DAXX: variants seen among roughly 807,000 people sequenced by gnomAD.
DAXX encodes death domain associated protein.
In DAXX, 24 loss-of-function variants were observed where a neutral mutation model predicts 61.9. The observed-to-expected ratio is 0.39, with a 90% confidence interval of 0.28 to 0.55. The LOEUF is 0.55. Among genes scored for constraint, DAXX ranks in the 20% least tolerant of loss-of-function variants. DAXX has a pLI of 0.69. For synonymous variants in DAXX, 357 were observed against 369.5 expected (o/e 0.97, Z 0.39); for missense variants, 819 against 935.3 (o/e 0.88, Z 1.62).
intron 1 of DAXX, 165 bp from the exon 2 acceptor site, chr6:33,322,142 C>A: frequency 2.3e-6 from 1 of 441,812 alleles, no homozygotes; most frequent in Non-Finnish European, 3.9e-6. Flanking sequence ...TTTTGGGGCC[C>A]TTCAAGTGGT....
In DAXX at chr6:33,322,909, T is replaced by C. The variant is rs1562734558; in HGVS notation, c.-100A>G. 3 of 1,392,142 alleles carry C rather than the reference T, an allele frequency of 2.2e-6. No individual in the cohort carries two copies. Among genetic ancestry groups the C allele is most frequent in the African/African-American group, 1.5e-5 (1 of 65,560 alleles). 86.2% of individuals were successfully genotyped at this position (1,392,142 alleles called of 1,614,324 possible). A position where few individuals can be genotyped will look rare whatever the true frequency, so the allele number is the denominator to read the frequency against. The stretch of plus-strand genomic sequence containing the variant: ...GACCCTCGCCGCAATTCTCAGAACC[T>C]CGCATGGTTCCCTCCGCCTTCCTTC... On this transcript the variant is annotated 5_prime_UTR_variant, in exon 1 of 8. Coordinates refer to ENST00000374542, the MANE Select transcript of DAXX (RefSeq NM_001141969.2).
Position 33,321,834 on chromosome 6 carries a change from G to A in DAXX, c.92C>T (p.Ala31Val), listed in dbSNP as rs766116335. Reference protein sequence around the residue: ...QPGPSHPLPNAASPGAEAPSS... With the variant: ...QPGPSHPLPNVASPGAEAPSS... ...AGGGGCTTCTGCCCCAGGTGAGGCC[G>A]CATTGGGGAGTGGGTGGGAGGGCCC... The change falls in exon 2 of 8, where the codon GCG becomes GTG. Residue 31 changes from alanine (A) to valine (V), a missense_variant. Physicochemically the swap from Ala to Val is moderately conservative, Grantham distance 64. Transcript: ENST00000374542. This position sits in a 1 kb window ranked among gnomAD's most constrained non-coding sequence, Gnocchi z 7.2. The A allele has an allele frequency of 9.3e-6, 15 of 1,611,062 alleles. No individual in the cohort carries two copies. Among genetic ancestry groups the A allele is most frequent in the African/African-American group, 1.3e-5 (1 of 74,858 alleles).
chr6:33,320,033 GTCC>G lies in DAXX; in HGVS notation c.1440_1442del (p.Glu480del). On this transcript the variant is annotated inframe_deletion, in exon 5 of 8. Coordinates refer to ENST00000374542, the MANE Select transcript of DAXX (RefSeq NM_001141969.2). This position sits in a 1 kb window ranked among gnomAD's most constrained non-coding sequence, Gnocchi z 7.1. ...TACCTGCTGCTGCTTCTTCCTCTTCGTCCTCCTCTTCATCATCCTCCTGACCCT... is the reference window on the plus strand; with the variant it reads ...TACCTGCTGCTGCTTCTTCCTCTTCGTCCTCTTCATCATCCTCCTGACCCT... The G allele has an allele frequency of 2.5e-6, 4 of 1,613,282 alleles. No individual in the cohort carries two copies. Among genetic ancestry groups the G allele is most frequent in the Non-Finnish European group, 3.4e-6 (4 of 1,179,634 alleles).
chr6:33,321,970 A>T lies in DAXX; in HGVS notation c.-45T>A. 6.3e-7 allele frequency: 1 copy of T among 1,577,430 alleles called. No homozygotes were observed. The highest frequency in any genetic ancestry group is 2.3e-5 in the East Asian group (1 of 44,258). ...AGGGAGGAAGTGGTGGGGATTTCAG[A>T]ATTCCTGCTGGAAGGGGATGGGGCC... On this transcript the variant is annotated 5_prime_UTR_variant, in exon 2 of 8. Coordinates refer to ENST00000374542, the MANE Select transcript of DAXX (RefSeq NM_001141969.2). This position sits in a 1 kb window ranked among gnomAD's most constrained non-coding sequence, Gnocchi z 7.2.
At position 33,321,074 on chromosome 6, in the gene DAXX, C is replaced by A; in HGVS notation, c.701G>T (p.Arg234Leu). The A allele has an allele frequency of 6.2e-7, 1 of 1,613,466 alleles. No individual in the cohort carries two copies. The highest frequency in any genetic ancestry group is 8.5e-7 in the Non-Finnish European group (1 of 1,179,380). Reference protein sequence around the residue: ...QEARLKRKLIRLFGRLCELKD... With the variant: ...QEARLKRKLILLFGRLCELKD... ...CAGCTCACATAGTCGCCCAAAGAGG[C>A]GGATCAGCTTACGCTTCAACCGTGC... Residue 234 changes from arginine (R) to leucine (L), a missense_variant, in exon 3 of 8, where the codon CGC (arginine) becomes CTC (leucine). Arg to Leu is a moderately radical substitution (Grantham distance 102). Coordinates refer to ENST00000374542, the MANE Select transcript of DAXX (RefSeq NM_001141969.2). This position sits in a 1 kb window ranked among gnomAD's most constrained non-coding sequence, Gnocchi z 7.2.
Position 33,321,641 on chromosome 6 carries a change from A to G in DAXX, c.208-74T>C. 1.3e-6 allele frequency: 2 copies of G among 1,598,822 alleles called. No individual in the cohort carries two copies. Among genetic ancestry groups the G allele is most frequent in the Non-Finnish European group, 1.7e-6 (2 of 1,169,738 alleles). Reference sequence around the variant, plus strand: ...GTTGAGAGAAAGGGGAGGTGGGGTTAGTGGGAAAGAAAGGACAGGAGAACC... The same window carrying G: ...GTTGAGAGAAAGGGGAGGTGGGGTTGGTGGGAAAGAAAGGACAGGAGAACC... On this transcript the variant is annotated intron_variant, in intron 2 of 7. Coordinates refer to ENST00000374542, the MANE Select transcript of DAXX (RefSeq NM_001141969.2). This position sits in a 1 kb window ranked among gnomAD's most constrained non-coding sequence, Gnocchi z 7.2.
chr6:33,321,632 G>T lies in DAXX; in HGVS notation c.208-65C>A. 6.3e-7 allele frequency: 1 copy of T among 1,599,026 alleles called. No homozygotes were observed. Among genetic ancestry groups the T allele is most frequent in the Non-Finnish European group, 8.5e-7 (1 of 1,169,880 alleles). ...AGGGAGGGGGTTGAGAGAAAGGGGAGGTGGGGTTAGTGGGAAAGAAAGGAC... is the reference window on the plus strand; with the variant it reads ...AGGGAGGGGGTTGAGAGAAAGGGGATGTGGGGTTAGTGGGAAAGAAAGGAC... On this transcript the variant is annotated intron_variant, in intron 2 of 7. Transcript: ENST00000374542. The surrounding 1 kb of genome is among the most constrained non-coding windows in gnomAD (Gnocchi z 7.2).
At position 33,318,748 on chromosome 6, in the gene DAXX, CAG is replaced by C. The variant is rs1244743247; in HGVS notation, c.2216_2217del (p.Ser739Ter). On this transcript the variant is annotated frameshift_variant, in exon 8 of 8. Coordinates refer to ENST00000374542, the MANE Select transcript of DAXX (RefSeq NM_001141969.2). LOFTEE classifies it high-confidence loss of function. ...DPEEIIVLSD[S>X]D ...GCAGGGAGAAGGGGAGGCAGCTAAT[CAG>C]AGTCTGAGAGCACGATGATCTCTTC... 1 of 1,497,798 alleles carries C rather than the reference CAG, an allele frequency of 6.7e-7. No homozygotes were observed. Among genetic ancestry groups the C allele is most frequent in the Non-Finnish European group, 9.1e-7 (1 of 1,095,358 alleles). The allele number at this position is 1,497,798 out of a possible 1,614,324, so 92.8% of individuals were successfully genotyped here.
At position 33,319,674 on chromosome 6, in the gene DAXX, C is replaced by A. The variant is rs1770285414; in HGVS notation, c.1646G>T (p.Gly549Val). ...CAGGGTCAGCTCCTCAGGCTGTTCT[C>A]CATTGCTTTCAGCATCTATGCTGGA... Reference protein sequence around the residue: ...APSSIDAESNGEQPEELTLEE... With the variant: ...APSSIDAESNVEQPEELTLEE... The change falls in exon 6 of 8, where the codon GGA (glycine) becomes GTA (valine). Residue 549 changes from glycine (G) to valine (V), a missense_variant. By Grantham distance (109) the Gly-to-Val change is moderately radical (BLOSUM62 -3). Coordinates refer to ENST00000374542, the MANE Select transcript of DAXX (RefSeq NM_001141969.2). 1 of 1,613,720 alleles carries A rather than the reference C, an allele frequency of 6.2e-7. No individual in the cohort carries two copies. The highest frequency in any genetic ancestry group is 2.2e-5 in the East Asian group (1 of 44,768).
rs1211364459 is a variant in DAXX, at chr6:33,320,800, C to T, written c.975G>A (p.Gln325=). The stretch of plus-strand genomic sequence containing the variant: ...AGATGAGATCGAGGTGACGTCGCTC[C>T]TGTAACCTGATGCCCACATCTCGGA... ...DAFRDVGIRL[Q]ERRHLDLIYN... The change falls in exon 3 of 8, where the codon CAG becomes CAA. Residue 325 remains glutamine, a synonymous_variant. Transcript: ENST00000374542. This position sits in a 1 kb window ranked among gnomAD's most constrained non-coding sequence, Gnocchi z 7.1. 3.7e-6 allele frequency: 6 copies of T among 1,614,060 alleles called. No individual in the cohort carries two copies. Among genetic ancestry groups the T allele is most frequent in the Non-Finnish European group, 5.1e-6 (6 of 1,180,050 alleles).
Position 33,319,124 on chromosome 6 carries a change from A to G in DAXX, c.2036T>C (p.Val679Ala). 1 of 1,614,232 alleles carries G rather than the reference A, an allele frequency of 6.2e-7. No individual in the cohort carries two copies. Among genetic ancestry groups the G allele is most frequent in the African/African-American group, 1.3e-5 (1 of 75,064 alleles). The change falls in exon 7 of 8, where the codon GTT (valine) becomes GCT (alanine). Residue 679 changes from valine (V) to alanine (A), a missense_variant. Physicochemically the swap from Val to Ala is moderately conservative, Grantham distance 64. Transcript: ENST00000374542. Reference protein sequence around the residue: ...PPSPLASLAPVADSSTRVDSP... With the variant: ...PPSPLASLAPAADSSTRVDSP... Reference sequence around the variant, plus strand: ...GTCCACCCTCGTGGAGGAATCAGCAACTGGGGCCAAGGAAGCCAAGGGGGA... The same window carrying G: ...GTCCACCCTCGTGGAGGAATCAGCAGCTGGGGCCAAGGAAGCCAAGGGGGA...
At position 33,318,809 on chromosome 6, in the gene DAXX, G is replaced by A. The variant is rs1487884469; in HGVS notation, c.2164-7C>T. The A allele has an allele frequency of 6.6e-7, 1 of 1,516,342 alleles. No homozygotes were observed. Among genetic ancestry groups the A allele is most frequent in the South Asian group, 1.2e-5 (1 of 84,192 alleles). The allele number at this position is 1,516,342 out of a possible 1,614,324, so 93.9% of individuals were successfully genotyped here. On this transcript the variant is annotated splice_polypyrimidine_tract_variant and splice_region_variant and intron_variant, in intron 7 of 7. Coordinates refer to ENST00000374542, the MANE Select transcript of DAXX (RefSeq NM_001141969.2). ...ATTGTGTGGCCACACTTGTCTGCAG[G>A]GAAGTGAGAGACAAAGAGTCAAAGA...
In DAXX at chr6:33,321,803, G is replaced by T. The variant is rs772816527; in HGVS notation, c.123C>A (p.Ser41=). ...TTCCTCTGGCCCCATGAGGCTCAGAGGAGCTAGGGGCTTCTGCCCCAGGTG... is the reference window on the plus strand; with the variant it reads ...TTCCTCTGGCCCCATGAGGCTCAGATGAGCTAGGGGCTTCTGCCCCAGGTG... ...AASPGAEAPS[S]SEPHGARGSS... The change falls in exon 2 of 8, where the codon TCC becomes TCA. Residue 41 remains serine, a synonymous_variant. Transcript: ENST00000374542. The surrounding 1 kb of genome is among the most constrained non-coding windows in gnomAD (Gnocchi z 7.2). The T allele has an allele frequency of 1.2e-6, 2 of 1,612,684 alleles. No homozygotes were observed. The highest frequency in any genetic ancestry group is 1.7e-6 in the Non-Finnish European group (2 of 1,179,104).
chr6:33,322,163 G>GC lies in DAXX; in HGVS notation c.-52-187_-52-186insG, dbSNP rs1029625181. 7.3e-4 allele frequency among the ~76,000 whole-genome samples: 111 copies of GC among 151,178 alleles called. 3 individuals are homozygous for GC. The East Asian group carries it at 0.016, about 22-fold the overall frequency. ...GGCCCTTCAAGTGGTGTGGGGGGGG[G>GC]GCAAACCACCCCCACACCTTAAGTT... On this transcript the variant is annotated intron_variant, in intron 1 of 7. Coordinates refer to ENST00000374542, the MANE Select transcript of DAXX (RefSeq NM_001141969.2).
chr6:33,318,799 T>G lies in DAXX; in HGVS notation c.2167A>C (p.Ser723Arg), dbSNP rs1770145763. 6.5e-7 allele frequency: 1 copy of G among 1,544,974 alleles called. No homozygotes were observed. The highest frequency in any genetic ancestry group is 8.8e-7 in the Non-Finnish European group (1 of 1,132,084). ...TCTGGATCGCATTGTGTGGCCACAC[T>G]TGTCTGCAGGGAAGTGAGAGACAAA... is the stretch of plus-strand genomic sequence containing the variant. ...QPPRPGTCKTSVATQCDPEEI... is the reference protein window; with the variant it reads ...QPPRPGTCKTRVATQCDPEEI... Residue 723 changes from serine (S) to arginine (R), a missense_variant, in exon 8 of 8, where the codon AGT (serine) becomes CGT (arginine). Physicochemically the swap from Ser to Arg is moderately radical, Grantham distance 110. Coordinates refer to ENST00000374542, the MANE Select transcript of DAXX (RefSeq NM_001141969.2).
In DAXX at chr6:33,318,627, A is replaced by T; in HGVS notation, c.*116T>A. The T allele has an allele frequency of 2.3e-6, 1 of 431,304 alleles. No homozygotes were observed. Among genetic ancestry groups the T allele is most frequent in the Non-Finnish European group, 4.2e-6 (1 of 238,684 alleles). The allele number at this position is 431,304 out of a possible 1,614,324, so 26.7% of individuals were successfully genotyped here. On this transcript the variant is annotated 3_prime_UTR_variant, in exon 8 of 8. Transcript: ENST00000374542. ...AAACTTAAGCTTTTTTTTTTTTTTA[A>T]AGAAACACCACCAAAAGGGGATTAG...
chr6:33,318,843 G>T, intron 7 of DAXX, 41 bp from the exon 8 acceptor site: 2 of 1,331,228 alleles, frequency 1.5e-6, no homozygotes, highest in Middle Eastern at 1.9e-4. Context: ...GAGATCTGGA[G>T]TACAGGAGAA....
intron 1 of DAXX, 112 bp from the exon 2 acceptor site, chr6:33,322,089 T>C: frequency 4.5e-6 from 3 of 660,938 alleles, no homozygotes; most frequent in Non-Finnish European, 7.5e-6. Flanking sequence ...TGACCAACAC[T>C]GTCTTCACCA....
In DAXX at chr6:33,320,299, C is replaced by T. The variant is rs143104000; in HGVS notation, c.1252-75G>A. 1,602 of 1,424,344 alleles carry T rather than the reference C, an allele frequency of 1.1e-3. 36 individuals carry two copies. In the East Asian group the frequency reaches 0.025, roughly 23 times the overall value. 88.2% of individuals were successfully genotyped at this position (1,424,344 alleles called of 1,614,324 possible). ...GGTTCTTGCTTTCCTTCTCATGCTC[C>T]CCCATCAGTCAACCTGGACTCCCTG... On this transcript the variant is annotated intron_variant, in intron 4 of 7. Coordinates refer to ENST00000374542, the MANE Select transcript of DAXX (RefSeq NM_001141969.2). The surrounding 1 kb of genome is among the most constrained non-coding windows in gnomAD (Gnocchi z 7.1).
Sources: gnomAD v4.1 joint callset for allele counts (sites outside exome capture counted in the v4.1 genomes callset) on GRCh38, gnomAD v4.1.1 for gene constraint, Gnocchi (gnomAD v3.1) non-coding constraint, MANE v1.5 for transcripts, NCBI Gene and HGNC (gene_info 2026-07-23, HGNC 2026-07-21) for gene names.